PPP3CB: variants seen among roughly 807,000 people sequenced by gnomAD.
PPP3CB encodes the protein serine/threonine-protein phosphatase 2B catalytic subunit beta isoform.
PPP3CB carries 8 observed loss-of-function variants against 66.4 expected under a neutral mutation model. The ratio of observed to expected loss-of-function variants is 0.12; its 90% CI spans 0.07 to 0.22. PPP3CB has a LOEUF of 0.22. PPP3CB is among the 10% of genes least tolerant of loss of function. The probability of loss-of-function intolerance (pLI) is 1.00; values close to 1 mark genes in which losing one functional copy is unlikely to be tolerated. For synonymous variants in PPP3CB, 208 were observed against 221.2 expected, an observed-to-expected ratio of 0.94 and a Z score of 0.53; for missense variants, 319 against 642.5, an observed-to-expected ratio of 0.50 and a Z score of 5.44.
intron 1 of PPP3CB, among the ~76,000 whole-genome samples, chr10:73,488,903 T>C (rs12243436): frequency 0.021 from 3,202 of 152,300 alleles, 106 homozygotes; most frequent in African/African-American, 0.071. Flanking sequence ...CAAGTTCTTA[T>C]CATTTACTAG....
At chr10:73,446,851 TG>T (rs2056265398) in intron 10 of PPP3CB, among the ~76,000 whole-genome samples, 1 of 151,812 alleles carries the variant, frequency 6.6e-6, no homozygotes, top group African/African-American at 2.4e-5. Context: ...AAAACAGCAA[TG>T]GGGAAAAAAA....
At chr10:73,470,226 GA>G (rs1773075033) in intron 8 of PPP3CB, among the ~76,000 whole-genome samples, 1 of 152,118 alleles carries the variant, frequency 6.6e-6, no homozygotes, top group African/African-American at 2.4e-5. Context: ...ATGGGGCAGT[GA>G]TAAGACTGTG....
intron 5 of PPP3CB, 22 bp downstream of exon 5, chr10:73,471,446 C>A (rs1402742539): frequency 1.3e-6 from 2 of 1,576,960 alleles, no homozygotes; most frequent in South Asian, 1.2e-5. Context: ...AAATCAATCT[C>A]GGAAGTAAAA....
chr10:73,477,772 C>T (rs1182884368), intron 3 of PPP3CB, among the ~76,000 whole-genome samples: 1 of 151,950 alleles, frequency 6.6e-6, no homozygotes, highest in African/African-American at 2.4e-5. Context: ...AAAAATTAGT[C>T]TAGGCATGGT....
intron 4 of PPP3CB, 145 bp downstream of exon 4, chr10:73,474,774 G>A: frequency 1.6e-6 from 2 of 1,238,566 alleles, no homozygotes; most frequent in South Asian, 1.8e-5. Context: ...ACCAGAGAGT[G>A]CTCGACAACT....
At chr10:73,485,037 C>A (rs2056949555) in intron 1 of PPP3CB, among the ~76,000 whole-genome samples, 1 of 151,938 alleles carries the variant, frequency 6.6e-6, no homozygotes, top group Non-Finnish European at 1.5e-5. Flanking sequence ...TGGGTGACAA[C>A]AAAACTCCAT....
chr10:73,478,967 T>C (rs999384442), intron 2 of PPP3CB, among the ~76,000 whole-genome samples: 5 of 152,356 alleles, frequency 3.3e-5, no homozygotes, highest in South Asian at 2.1e-4. Flanking sequence ...CTCAATACTT[T>C]CTGTTGCTCT....
At chr10:73,478,767 T>C in intron 2 of PPP3CB, 144 bp from the exon 3 acceptor site, 1 of 685,684 alleles carries the variant, frequency 1.5e-6, no homozygotes, top group South Asian at 2.0e-5. Context: ...ACAGTCATGA[T>C]TAGGATGATG....
chr10:73,486,705 A>G (rs1038682714), intron 1 of PPP3CB, among the ~76,000 whole-genome samples: 1 of 152,116 alleles, frequency 6.6e-6, no homozygotes, highest in East Asian at 1.9e-4. Context: ...TCTTTTTTCA[A>G]AGTGGATGGT....
intron 1 of PPP3CB, among the ~76,000 whole-genome samples, chr10:73,495,043 A>T (rs1333895414): frequency 6.6e-6 from 1 of 152,192 alleles, no homozygotes; most frequent in Non-Finnish European, 1.5e-5. Flanking sequence ...GCTGAGAAAC[A>T]TTTAACTTTT....
intron 12 of PPP3CB, 32 bp from the exon 13 acceptor site, chr10:73,439,933 G>C (rs1381921120): frequency 9.4e-6 from 15 of 1,599,738 alleles, no homozygotes; most frequent in Non-Finnish European, 1.1e-5. Flanking sequence ...CATGCAAAAT[G>C]AATGAGAGAG....
chr10:73,462,175 G>A (rs1203912281), intron 9 of PPP3CB, among the ~76,000 whole-genome samples: 2 of 114,298 alleles, frequency 1.7e-5, no homozygotes, highest in Non-Finnish European at 3.4e-5. Context: ...TTCAGATAGA[G>A]TCCCATTCTA....
intron 9 of PPP3CB, among the ~76,000 whole-genome samples, chr10:73,458,054 G>A (rs2056459008): frequency 6.6e-6 from 1 of 152,146 alleles, no homozygotes; most frequent in African/African-American, 2.4e-5. Context: ...TACACTAAAA[G>A]CCTTGACTTC....
At chr10:73,446,616 G>A (rs201339624) in intron 10 of PPP3CB, 43 bp from the exon 11 acceptor site, 1 of 1,543,452 alleles carries the variant, frequency 6.5e-7, no homozygotes, top group Non-Finnish European at 9.0e-7. Flanking sequence ...TCAAGTTTAG[G>A]GCATGCATGC....
intron 4 of PPP3CB, among the ~76,000 whole-genome samples, chr10:73,472,222 C>T (rs982829611): frequency 2.0e-5 from 3 of 152,170 alleles, no homozygotes; most frequent in East Asian, 1.9e-4. Flanking sequence ...AGGCCAGGCA[C>T]GGTGGCTCAC....
At chr10:73,467,710 T>C (rs748386087) in intron 8 of PPP3CB, 32 bp from the exon 9 acceptor site, 28 of 1,488,488 alleles carry the variant, frequency 1.9e-5, no homozygotes, top group Non-Finnish European at 2.4e-5. Flanking sequence ...AATAACTTAA[T>C]AGATAAGTAA....
chr10:73,458,723 T>A (rs1183885433), intron 9 of PPP3CB, among the ~76,000 whole-genome samples: 2 of 150,980 alleles, frequency 1.3e-5, no homozygotes, highest in African/African-American at 2.4e-5. Context: ...TTTATTAAAA[T>A]ATATATATTT....
At chr10:73,476,865 C>T (rs949516999) in intron 3 of PPP3CB, among the ~76,000 whole-genome samples, 1 of 150,866 alleles carries the variant, frequency 6.6e-6, no homozygotes, top group Non-Finnish European at 1.5e-5. Flanking sequence ...AGCAAAATTC[C>T]TAAGGGAAGC....
chr10:73,450,637 T>C (rs1292403417), intron 10 of PPP3CB, among the ~76,000 whole-genome samples: 1 of 152,188 alleles, frequency 6.6e-6, no homozygotes, highest in Non-Finnish European at 1.5e-5. Flanking sequence ...TAAAGGGAGA[T>C]CTATTTCTAA....
Sources: allele counts gnomAD v4.1 joint callset (sites outside exome capture counted in the v4.1 genomes callset), GRCh38; gene constraint gnomAD v4.1.1; transcripts MANE v1.5; gene names NCBI Gene and HGNC (gene_info 2026-07-23, HGNC 2026-07-21).